The following ACY1 variants were observed in gnomAD, a reference collection of about 807,000 sequenced individuals.
ACY1 encodes the protein aminoacylase 1.
Under a neutral mutation model 53.3 loss-of-function variants are expected in ACY1, and 38 were observed. That is an observed-to-expected ratio of 0.71 (90% CI 0.55 to 0.93). ACY1 has a LOEUF of 0.93. Among genes scored for constraint, ACY1 ranks in the 40% least tolerant of loss-of-function variants. The probability of loss-of-function intolerance (pLI) is 0.00; values close to 1 mark genes in which losing one functional copy is unlikely to be tolerated. For synonymous variants in ACY1, 177 were observed against 202.1 expected (o/e 0.88, Z 1.05); for missense variants, 484 against 540.9 (o/e 0.89, Z 1.04).
At chr3:51,988,416 G>T in intron 12 of ACY1, 108 bp from the exon 13 acceptor site, 1 of 959,202 alleles carries the variant, frequency 1.0e-6, no homozygotes, top group Non-Finnish European at 1.7e-6. Flanking sequence ...GGTAGGTGAA[G>T]GAGTGGGGGT....
intron 5 of ACY1, 29 bp from the exon 6 acceptor site, chr3:51,986,226 C>T: frequency 6.2e-7 from 1 of 1,611,420 alleles, no homozygotes; most frequent in Non-Finnish European, 8.5e-7. Context: ...TCTGGTGGCT[C>T]CCCCAGCACC....
Position 51,986,476 on chromosome 3 carries a change from C to T in ACY1, c.498C>T (p.Ala166=), listed in dbSNP as rs1701062186. The stretch of plus-strand genomic sequence containing the variant: ...TCGTGCAGCGGCCTGAGTTCCACGC[C>T]CTGAGGGCAGGCTTTGCCCTGGATG... ...ELFVQRPEFH[A]LRAGFALDEG... Residue 166 remains alanine (A), a synonymous_variant, in exon 7 of 15, where the codon GCC becomes GCT. Transcript: ENST00000636358. 3 of 1,613,886 alleles carry T rather than the reference C, an allele frequency of 1.9e-6. No homozygotes were observed. The highest frequency in any genetic ancestry group is 8.5e-7 in the Non-Finnish European group (1 of 1,179,926).
chr3:51,988,825 C>T lies in ACY1; in HGVS notation c.1061C>T (p.Ala354Val), dbSNP rs754984711. The T allele has an allele frequency of 1.5e-5, 24 of 1,614,100 alleles. No homozygotes were observed. Among genetic ancestry groups the T allele is most frequent in the East Asian group, 2.2e-5 (1 of 44,902 alleles). The change falls in exon 14 of 15, where the codon GCG (alanine) becomes GTG (valine). Residue 354 changes from alanine to valine, a missense_variant and splice_region_variant. By Grantham distance (64) the Ala-to-Val change is moderately conservative (BLOSUM62 0). Transcript: ENST00000636358. ...GCCACTGACAACCGCTATATCCGCG[C>T]GGTGAGCCACTTGCATATAGTGCCT... ...PAATDNRYIR[A>V]VGVPALGFSP... is the part of the protein sequence containing the mutation.
Position 51,987,027 on chromosome 3 carries a change from C to T in ACY1, c.623C>T (p.Ser208Leu). Residue 208 changes from serine (S) to leucine (L), a missense_variant, in exon 9 of 15, where the codon TCA (serine) becomes TTA (leucine). Coordinates refer to ENST00000636358, the MANE Select transcript of ACY1 (RefSeq NM_000666.3). ...AGCACTGGGAGGCCAGGCCATGCCT[C>T]ACGCTTCATGGAGGACACAGCAGCA... Reference protein sequence around the residue: ...VTSTGRPGHASRFMEDTAAEK... With the variant: ...VTSTGRPGHALRFMEDTAAEK... 2 of 1,613,438 alleles carry T rather than the reference C, an allele frequency of 1.2e-6. No individual in the cohort carries two copies. Among genetic ancestry groups the T allele is most frequent in the African/African-American group, 1.3e-5 (1 of 75,020 alleles).
At chr3:51,983,902 A>G (rs1700968602) in intron 1 of ACY1, 145 bp from the exon 2 acceptor site, 1 of 690,684 alleles carries the variant, frequency 1.4e-6, no homozygotes. Context: ...CCTGAAACAG[A>G]ATGGGTGCTC....
chr3:51,983,734 C>A, intron 1 of ACY1, 145 bp downstream of exon 1: 1 of 401,448 alleles, frequency 2.5e-6, no homozygotes, highest in Non-Finnish European at 4.6e-6. Context: ...GAGTACAAGT[C>A]TGGGTTCAAA....
intron 1 of ACY1, 59 bp from the exon 2 acceptor site, chr3:51,983,988 C>A: frequency 7.8e-7 from 1 of 1,282,552 alleles, no homozygotes; most frequent in African/African-American, 1.5e-5. Flanking sequence ...AGGCTGTGTG[C>A]AGGAGCTCAC....
At chr3:51,986,116 G>C in intron 5 of ACY1, 139 bp from the exon 6 acceptor site, 1 of 1,079,922 alleles carries the variant, frequency 9.3e-7, no homozygotes, top group Non-Finnish European at 1.4e-6. Flanking sequence ...GACCAGAGAG[G>C]GGCAGGGACT....
Position 51,985,249 on chromosome 3 carries a change from G to T in ACY1, c.137G>T (p.Gly46Val), listed in dbSNP as rs1701016059. Residue 46 changes from glycine to valine, a missense_variant, in exon 3 of 15, where the codon GGC becomes GTC. Coordinates refer to ENST00000636358, the MANE Select transcript of ACY1 (RefSeq NM_000666.3). ...TTTGAGGAGACAGCCCGCCAGCTGG[G>T]CCTGGGCTGTCAGAAAGTAGAGGTG... The part of the protein sequence containing the change: ...AFFEETARQL[G>V]LGCQKVEVAP... 2 of 1,609,292 alleles carry T rather than the reference G, an allele frequency of 1.2e-6. No individual in the cohort carries two copies. The highest frequency in any genetic ancestry group is 1.7e-6 in the Non-Finnish European group (2 of 1,177,952).
Position 51,987,327 on chromosome 3 carries a change from C to A in ACY1, c.726C>A (p.His242Gln). 1 of 1,614,076 alleles carries A rather than the reference C, an allele frequency of 6.2e-7. No homozygotes were observed. Among genetic ancestry groups the A allele is most frequent in the Non-Finnish European group, 8.5e-7 (1 of 1,180,012 alleles). ...KEWQRLQSNP[H>Q]LKEGSVTSVN... The stretch of plus-strand genomic sequence containing the variant: ...ACCACAGGCTGCAGTCAAACCCCCA[C>A]CTGAAAGAGGGGTCCGTGACCTCCG... The change falls in exon 11 of 15, where the codon CAC (histidine) becomes CAA (glutamine). Residue 242 changes from histidine (H) to glutamine (Q), a missense_variant. Coordinates refer to ENST00000636358, the MANE Select transcript of ACY1 (RefSeq NM_000666.3).
intron 12 of ACY1, 116 bp from the exon 13 acceptor site, chr3:51,988,408 T>C: frequency 1.1e-6 from 1 of 886,484 alleles, no homozygotes; most frequent in Non-Finnish European, 1.9e-6. Flanking sequence ...GATGTCTGGG[T>C]AGGTGAAGGA....
chr3:51,988,986 C>T lies in ACY1; in HGVS notation c.1138C>T (p.His380Tyr). ...GCTGCACGACCACGATGAACGGCTG[C>T]ATGAGGCTGTGTTCCTCCGTGGGGT... ...VLLHDHDERL[H>Y]EAVFLRGVDI... The change falls in exon 15 of 15, where the codon CAT becomes TAT. Residue 380 changes from histidine (H) to tyrosine (Y), a missense_variant. Physicochemically the swap from His to Tyr is moderately conservative, Grantham distance 83 (BLOSUM62 2). Transcript: ENST00000636358. The T allele has an allele frequency of 1.2e-6, 2 of 1,614,202 alleles. No individual in the cohort carries two copies. The highest frequency in any genetic ancestry group is 1.7e-5 in the Admixed American group (1 of 60,028).
chr3:51,987,072 C>T lies in ACY1; in HGVS notation c.657+11C>T, dbSNP rs1701091480. 1 of 1,614,012 alleles carries T rather than the reference C, an allele frequency of 6.2e-7. No homozygotes were observed. Among genetic ancestry groups the T allele is most frequent in the East Asian group, 2.2e-5 (1 of 44,880 alleles). Reference sequence around the variant, plus strand: ...GCAGCAGAGAAGCTGGTACGTGGCACCCCAGGAGGGAGTCTGGGAGTTCAG... The same window carrying T: ...GCAGCAGAGAAGCTGGTACGTGGCATCCCAGGAGGGAGTCTGGGAGTTCAG... On this transcript the variant is annotated intron_variant, in intron 9 of 14. Coordinates refer to ENST00000636358, the MANE Select transcript of ACY1 (RefSeq NM_000666.3).
At position 51,984,157 on chromosome 3, in the gene ACY1, T is replaced by C; in HGVS notation, c.93T>C (p.Tyr31=). ...GCACTGTCCAGCCCAAGCCTGACTATGGTGAGAAGACGGTGGTTCCAGAGC... is the reference window on the plus strand; with the variant it reads ...GCACTGTCCAGCCCAAGCCTGACTACGGTGAGAAGACGGTGGTTCCAGAGC... ...RIRTVQPKPD[Y]GAAVAFFEET... The change falls in exon 2 of 15, where the codon TAT becomes TAC. Residue 31 remains tyrosine, a splice_region_variant and synonymous_variant. Coordinates refer to ENST00000636358, the MANE Select transcript of ACY1 (RefSeq NM_000666.3). 1 of 1,613,872 alleles carries C rather than the reference T, an allele frequency of 6.2e-7. No individual in the cohort carries two copies. The highest frequency in any genetic ancestry group is 8.5e-7 in the Non-Finnish European group (1 of 1,179,996).
At chr3:51,987,743 G>C in intron 12 of ACY1, 119 bp downstream of exon 12, 1 of 1,101,642 alleles carries the variant, frequency 9.1e-7, no homozygotes, top group Non-Finnish European at 1.3e-6. Flanking sequence ...ATCTGTGACA[G>C]ACACATTTTA....
intron 13 of ACY1, 39 bp downstream of exon 13, chr3:51,988,642 C>A (rs1005966131): frequency 6.2e-7 from 1 of 1,601,326 alleles, no homozygotes; most frequent in Middle Eastern, 1.7e-4. Flanking sequence ...GCCCAGCCCC[C>A]TACTCCTCTC....
intron 12 of ACY1, 93 bp from the exon 13 acceptor site, chr3:51,988,431 A>G: frequency 9.2e-7 from 1 of 1,087,684 alleles, no homozygotes; most frequent in South Asian, 1.3e-5. Context: ...GGGGGTGGGG[A>G]GGTGTTATGT....
intron 12 of ACY1, chr3:51,988,280 G>A (rs188116490): frequency 5.0e-6 from 3 of 597,710 alleles, no homozygotes; most frequent in Non-Finnish European, 9.1e-6. Context: ...TTGAGGAAGG[G>A]GCACTTGGGC....
intron 10 of ACY1, 24 bp from the exon 11 acceptor site, chr3:51,987,285 C>G (rs1266753016): frequency 6.2e-7 from 1 of 1,613,958 alleles, no homozygotes; most frequent in African/African-American, 1.3e-5. Flanking sequence ...CTGTTGCTGC[C>G]GCTACCCTGC....
Sources: allele counts gnomAD v4.1 joint callset, GRCh38; gene constraint gnomAD v4.1.1; transcripts MANE v1.5; gene names NCBI Gene and HGNC (gene_info 2026-07-23, HGNC 2026-07-21).